The following DNAH17 variants were observed in gnomAD, a reference collection of about 807,000 sequenced individuals.
DNAH17 encodes axonemal beta dynein heavy chain 17.
DNAH17 carries 376 observed loss-of-function variants against 485.6 expected under a neutral mutation model. The ratio of observed to expected loss-of-function variants is 0.77; its 90% confidence interval spans 0.71 to 0.84. DNAH17 has a LOEUF of 0.84. Ranked by LOEUF, DNAH17 falls within the 40% of genes least tolerant of loss-of-function variation. The pLI is 0.00. For missense variants in DNAH17, 6,370 were observed against 5,839.3 expected (o/e 1.09, Z -2.96); for synonymous variants, 3,031 against 2,405.9 (o/e 1.26, Z -7.60).
At chr17:78,527,937 C>T (rs2091121807) in intron 22 of DNAH17, among the ~76,000 whole-genome samples, 1 of 152,078 alleles carries the variant, frequency 6.6e-6, no homozygotes. Flanking sequence ...TGCCACCACG[C>T]CTGGCTAATT....
At chr17:78,480,649 G>T in intron 49 of DNAH17, 35 bp downstream of exon 49, 1 of 1,561,352 alleles carries the variant, frequency 6.4e-7, no homozygotes, top group East Asian at 2.3e-5. Context: ...TCAGACTCAT[G>T]GCAGGTGACG....
chr17:78,570,856 C>CAAAAAAAAAAAAAAAAAA (rs60897530), intron 6 of DNAH17, 92 bp downstream of exon 6: 40 of 292,052 alleles, frequency 1.4e-4, no homozygotes, highest in Admixed American at 3.6e-4. Flanking sequence ...GACTCCCTCT[C>CAAAAAAAAAAAAAAAAAA]AAAAAAAAAA....
chr17:78,561,608 A>G (rs2143653342), intron 12 of DNAH17, 107 bp downstream of exon 12: 1 of 1,340,226 alleles, frequency 7.5e-7, no homozygotes, highest in Non-Finnish European at 9.9e-7. Context: ...GGGAGGTAAC[A>G]GTCTGGTCGA....
intron 16 of DNAH17, among the ~76,000 whole-genome samples, chr17:78,550,616 G>C (rs1316379590): frequency 6.6e-6 from 1 of 152,158 alleles, no homozygotes; most frequent in Non-Finnish European, 1.5e-5. Flanking sequence ...TAACCAGAGA[G>C]TCCTGGGGGA....
chr17:78,561,555 G>GAGGAGGGAGGACC (rs1484933157), intron 12 of DNAH17, among the ~76,000 whole-genome samples, 160 bp downstream of exon 12: 2 of 152,114 alleles, frequency 1.3e-5, no homozygotes, highest in African/African-American at 4.8e-5. Flanking sequence ...GTGATCAGGG[G>GAGGAGGGAGGACC]AGGAGGGAGG....
chr17:78,435,890 C>T (rs368695924), intron 74 of DNAH17, among the ~76,000 whole-genome samples: 4 of 152,098 alleles, frequency 2.6e-5, no homozygotes, highest in Admixed American at 6.6e-5. Context: ...AGGCAGGAGG[C>T]GTGTGGTATT....
Position 78,526,903 on chromosome 17 carries a change from G to A in DNAH17, c.3601C>T (p.Arg1201Trp), listed in dbSNP as rs369284488. ...PLQANEVSIL[R>W]RKCQQFELKQ... Reference sequence around the variant, plus strand: ...ACCTCGAATTGCTGGCATTTCCGCCGCAGGATGCTGACCTCGTTGGCCTGG... The same window carrying A: ...ACCTCGAATTGCTGGCATTTCCGCCACAGGATGCTGACCTCGTTGGCCTGG... Residue 1201 changes from arginine to tryptophan, a missense_variant, in exon 23 of 81, where the codon CGG becomes TGG. Physicochemically the swap from Arg to Trp is moderately radical, Grantham distance 101. Transcript: ENST00000389840. The A allele has an allele frequency of 7.7e-5, 121 of 1,578,026 alleles. No homozygotes were observed. Among genetic ancestry groups the A allele is most frequent in the Admixed American group, 1.8e-4 (10 of 54,064 alleles).
Position 78,462,989 on chromosome 17 carries a change from C to T in DNAH17, c.9029G>A (p.Arg3010Lys). 6.2e-7 allele frequency: 1 copy of T among 1,613,966 alleles called. No homozygotes were observed. The highest frequency in any genetic ancestry group is 8.5e-7 in the Non-Finnish European group (1 of 1,179,886). The stretch of plus-strand genomic sequence containing the variant: ...TTTGGGTGTGGTGTAGTTGTAGCGC[C>T]TCTCAGTAGCCAGGTATACCCTGGA... ...EMSRVYLATE[R>K]RYNYTTPKTF... is the part of the protein sequence containing the mutation. The change falls in exon 57 of 81, where the codon AGG becomes AAG. Residue 3010 changes from arginine to lysine, a missense_variant. By Grantham distance (26) the Arg-to-Lys change is conservative. Transcript: ENST00000389840.
At chr17:78,568,006 C>A (rs8066293) in intron 9 of DNAH17, among the ~76,000 whole-genome samples, 4 of 151,870 alleles carry the variant, frequency 2.6e-5, no homozygotes, top group African/African-American at 9.7e-5. Context: ...CCCAGGTCCA[C>A]GAAGCATCAG....
At chr17:78,445,787 G>A in intron 69 of DNAH17, 107 bp from the exon 70 acceptor site, 2 of 1,306,672 alleles carry the variant, frequency 1.5e-6, no homozygotes, top group South Asian at 2.9e-5. Flanking sequence ...GGCCTGCAGG[G>A]GGCGCCCTGT....
chr17:78,461,442 C>T lies in DNAH17; in HGVS notation c.9339+102G>A, dbSNP rs1451281269. The T allele has an allele frequency of 4.7e-6, 6 of 1,270,010 alleles. No individual in the cohort carries two copies. The East Asian group carries it at 1.7e-4, about 37-fold the overall frequency. The allele number at this position is 1,270,010 out of a possible 1,614,324, so 78.7% of individuals were successfully genotyped here. A position where few individuals can be genotyped will look rare whatever the true frequency, so the allele number is the denominator to read the frequency against. ...CTTGTCCTTCTATGTAAGTCTCAGC[C>T]TTTCCCACGCCTGTCGGTGGCACCT... is the stretch of plus-strand genomic sequence containing the variant. On this transcript the variant is annotated intron_variant, in intron 58 of 80. Transcript: ENST00000389840.
intron 14 of DNAH17, among the ~76,000 whole-genome samples, chr17:78,555,850 G>A (rs1435242691): frequency 6.6e-6 from 1 of 152,214 alleles, no homozygotes; most frequent in African/African-American, 2.4e-5. Flanking sequence ...GGAGGAAGGA[G>A]GAATTCACCC....
intron 71 of DNAH17, among the ~76,000 whole-genome samples, chr17:78,442,328 C>T (rs1416805649): frequency 2.6e-5 from 4 of 152,224 alleles, no homozygotes; most frequent in African/African-American, 7.2e-5. Context: ...TTTCTGGGGA[C>T]ACCTGGATCT....
intron 26 of DNAH17, among the ~76,000 whole-genome samples, chr17:78,510,970 G>A (rs2090621543): frequency 6.6e-6 from 1 of 152,238 alleles, no homozygotes. Flanking sequence ...CAGGCATGAT[G>A]CGGCCACAGG....
Position 78,499,015 on chromosome 17 carries a change from G to A in DNAH17, c.5738C>T (p.Ala1913Val). The change falls in exon 37 of 81, where the codon GCC becomes GTC. Residue 1913 changes from alanine to valine, a missense_variant. By Grantham distance (64) the Ala-to-Val change is moderately conservative. Coordinates refer to ENST00000389840, the MANE Select transcript of DNAH17 (RefSeq NM_173628.4). ...RISVEVLSVI[A>V]VQVKCVQDAI... ...GCAGGCAGGGGACTTTACCTGCACG[G>A]CAATCACAGACAAGACTTCCACTGA... The A allele has an allele frequency of 1.2e-6, 2 of 1,607,698 alleles. No individual in the cohort carries two copies. The highest frequency in any genetic ancestry group is 1.7e-6 in the Non-Finnish European group (2 of 1,177,142).
At chr17:78,468,975 T>A in intron 54 of DNAH17, 92 bp from the exon 55 acceptor site, 1 of 1,465,048 alleles carries the variant, frequency 6.8e-7, no homozygotes, top group Non-Finnish European at 9.1e-7. Context: ...AGGGCCATTT[T>A]TTCTTTGAGA....
rs564102383 is a variant in DNAH17 at position 78,561,955 on chromosome 17, A to T, written c.1595T>A (p.Met532Lys). Residue 532 changes from methionine (M) to lysine (K), a missense_variant, in exon 12 of 81, where the codon ATG becomes AAG. Transcript: ENST00000389840. ...AKLLYMCGGLMERPLILAEVA... is the reference protein window; with the variant it reads ...AKLLYMCGGLKERPLILAEVA... Reference sequence around the variant, plus strand: ...CTCGGCAAGAATCAGGGGCCGCTCCATGAGGCCCCCACACATGTACAGGAG... The same window carrying T: ...CTCGGCAAGAATCAGGGGCCGCTCCTTGAGGCCCCCACACATGTACAGGAG... 1.2e-6 allele frequency: 2 copies of T among 1,610,746 alleles called. No homozygotes were observed. The highest frequency in any genetic ancestry group is 8.5e-7 in the Non-Finnish European group (1 of 1,178,490).
At position 78,558,164 on chromosome 17, in the gene DNAH17, C is replaced by A; in HGVS notation, c.2122G>T (p.Glu708Ter). 6.2e-7 allele frequency: 1 copy of A among 1,613,768 alleles called. No individual in the cohort carries two copies. The highest frequency in any genetic ancestry group is 2.2e-5 in the East Asian group (1 of 44,876). Reference protein sequence around the residue: ...DSAESLFSENETFRKFVGNLE... With the variant: ...DSAESLFSEN ...TTGCCCACAAACTTCCGGAAAGTTT[C>A]GTTCTCTGAGAACAGACTCTCCGCA... is the stretch of plus-strand genomic sequence containing the variant. Residue 708 changes from glutamate to a stop codon, truncating the protein, a stop_gained, in exon 14 of 81, where the codon GAA (glutamate) becomes TAA (stop). Transcript: ENST00000389840. LOFTEE classifies it high-confidence loss of function.
chr17:78,561,834 C>T lies in DNAH17; in HGVS notation c.1716G>A (p.Glu572=). The change falls in exon 12 of 81, where the codon GAG becomes GAA. Residue 572 remains glutamate, a synonymous_variant. Coordinates refer to ENST00000389840, the MANE Select transcript of DNAH17 (RefSeq NM_173628.4). ...LYDAQMAASE[E]GNIPLIHKNM... ...TTTTGTGGATCAGGGGGATGTTCCC[C>T]TCCTCGGAGGCCGCCATCTGGGCAT... 4 of 1,613,960 alleles carry T rather than the reference C, an allele frequency of 2.5e-6. No individual in the cohort carries two copies. Among genetic ancestry groups the T allele is most frequent in the Non-Finnish European group, 3.4e-6 (4 of 1,179,872 alleles).
Sources: allele counts gnomAD v4.1 joint callset (sites outside exome capture counted in the v4.1 genomes callset), GRCh38; gene constraint gnomAD v4.1.1; transcripts MANE v1.5; gene names NCBI Gene and HGNC (gene_info 2026-07-23, HGNC 2026-07-21).